BRD1: variants seen among roughly 807,000 people sequenced by gnomAD.
The protein encoded by BRD1 is bromodomain-containing protein 1.
Under a neutral mutation model 107.7 loss-of-function variants are expected in BRD1, and 24 were observed. That is an observed-to-expected ratio of 0.22 (90% CI 0.16 to 0.31). BRD1 has a LOEUF of 0.31. Ranked by LOEUF, BRD1 falls within the 10% of genes least tolerant of loss-of-function variation. BRD1 has a pLI of 1.00. For synonymous variants in BRD1, 744 were observed against 686.1 expected, an observed-to-expected ratio of 1.08 and a Z score of -1.32; for missense variants, 1,279 against 1,638.6, an observed-to-expected ratio of 0.78 and a Z score of 3.79.
At chr22:49,780,353 A>G (rs1043470140) in intron 8 of BRD1, among the ~76,000 whole-genome samples, 2 of 152,244 alleles carry the variant, frequency 1.3e-5, no homozygotes, top group Non-Finnish European at 1.5e-5. Context: ...GAGTGCGCGT[A>G]TGACGCAAGA....
chr22:49,818,290 T>C (rs1385687250), intron 2 of BRD1: 4 of 1,278,542 alleles, frequency 3.1e-6, no homozygotes, highest in Non-Finnish European at 4.1e-6. Context: ...TCCTAGAAGA[T>C]CTGAAGCAGT....
chr22:49,775,409 G>A (rs576035827), intron 12 of BRD1, 182 bp downstream of exon 12: 11 of 529,304 alleles, frequency 2.1e-5, no homozygotes, highest in South Asian at 6.7e-5. Context: ...CCACAGTCCC[G>A]GCGAGGGGGC....
chr22:49,785,819 C>T (rs1438359400), intron 8 of BRD1, among the ~76,000 whole-genome samples: 1 of 152,234 alleles, frequency 6.6e-6, no homozygotes, highest in Non-Finnish European at 1.5e-5. Flanking sequence ...GGCAACAAGA[C>T]GCATGACCTG....
chr22:49,827,838 G>T lies in BRD1; in HGVS notation c.-356C>A, dbSNP rs865807992. On this transcript the variant is annotated 5_prime_UTR_variant, in exon 1 of 13. Transcript: ENST00000404760. ...GGGGCTGGCTCGGACTCCAGGGCCG[G>T]GTCGCTCGCTCGCTCCCCAGCGAAG... 1.1e-3 allele frequency among the ~76,000 whole-genome samples: 167 copies of T among 145,758 alleles called. No individual in the cohort carries two copies. The highest frequency in any genetic ancestry group is 3.6e-3 in the African/African-American group (147 of 40,358).
rs537439834 is a variant in BRD1, at chr22:49,792,734, A to G, written c.2359+1300T>C. 6.6e-6 allele frequency among the ~76,000 whole-genome samples: 1 copy of G among 152,344 alleles called. No homozygotes were observed. Among genetic ancestry groups the G allele is most frequent in the African/African-American group, 2.4e-5 (1 of 41,576 alleles). On this transcript the variant is annotated intron_variant, in intron 7 of 12. Coordinates refer to ENST00000404760, the MANE Select transcript of BRD1 (RefSeq NM_001304808.3). The surrounding 1 kb of genome is among the most constrained non-coding windows in gnomAD (Gnocchi z 4.2). ...AACAACAAACAGGCACAAAATGAGC[A>G]AAAGGATGCATAAGAAATTCTCAGC...
At position 49,826,966 on chromosome 22, in the gene BRD1, G is replaced by A. The variant is rs558925653; in HGVS notation, c.-15+531C>T. Reference sequence around the variant, plus strand: ...CGTCGCGAGGCGTCTCCCTGCAAACGCCCGGGGAGGCCGCGGTGCCGGTTC... The same window carrying A: ...CGTCGCGAGGCGTCTCCCTGCAAACACCCGGGGAGGCCGCGGTGCCGGTTC... On this transcript the variant is annotated intron_variant, in intron 1 of 12. Transcript: ENST00000404760. Among the ~76,000 whole-genome samples, 6 of 152,268 alleles carry A rather than the reference G, an allele frequency of 3.9e-5. No individual in the cohort carries two copies. The East Asian group carries it at 9.7e-4, about 25-fold the overall frequency.
intron 3 of BRD1, among the ~76,000 whole-genome samples, chr22:49,801,452 C>T (rs1385266991): frequency 1.3e-5 from 2 of 152,238 alleles, no homozygotes; most frequent in African/African-American, 4.8e-5. Flanking sequence ...GAATCAAATG[C>T]ATCAGGTACT....
intron 3 of BRD1, among the ~76,000 whole-genome samples, chr22:49,801,969 G>A (rs1298660042): frequency 6.6e-6 from 1 of 152,214 alleles, no homozygotes; most frequent in Non-Finnish European, 1.5e-5. Context: ...CCCACCGCTG[G>A]ACGTCCCGTT....
At chr22:49,811,145 C>T (rs999661205) in intron 2 of BRD1, among the ~76,000 whole-genome samples, 6 of 151,196 alleles carry the variant, frequency 4.0e-5, no homozygotes, top group Non-Finnish European at 8.8e-5. Context: ...AAAAAAAACA[C>T]ATTTCATAAA....
Position 49,824,096 on chromosome 22 carries a change from G to A in BRD1, c.222C>T (p.Asn74=), listed in dbSNP as rs775058489. The A allele has an allele frequency of 1.2e-6, 2 of 1,614,012 alleles. No homozygotes were observed. The highest frequency in any genetic ancestry group is 1.7e-6 in the Non-Finnish European group (2 of 1,180,036). Residue 74 remains asparagine, a synonymous_variant, in exon 2 of 13, where the codon AAC becomes AAT. Coordinates refer to ENST00000404760, the MANE Select transcript of BRD1 (RefSeq NM_001304808.3). This position sits in a 1 kb window ranked among gnomAD's most constrained non-coding sequence, Gnocchi z 5.9. ...DLTAQEMSEC[N]SNKENSERPP... is the part of the protein sequence containing the mutation. ...GCCGCTCGCTGTTTTCCTTGTTGCT[G>A]TTGCACTCACTCATCTCTTGAGCAG... is the stretch of plus-strand genomic sequence containing the variant.
In BRD1 at chr22:49,823,612, T is replaced by C. The variant is rs368482373; in HGVS notation, c.706A>G (p.Met236Val). The change falls in exon 2 of 13, where the codon ATG becomes GTG. Residue 236 changes from methionine (M) to valine (V), a missense_variant. Met to Val is a conservative substitution (Grantham distance 21). This residue lies in a region of BRD1 where 158 missense variants were observed against 310.2 expected (regional missense o/e 0.51). Coordinates refer to ENST00000404760, the MANE Select transcript of BRD1 (RefSeq NM_001304808.3). ...QNSNVILFCDMCNLAVHQECY... is the reference protein window; with the variant it reads ...QNSNVILFCDVCNLAVHQECY... ...TCCTGGTGCACGGCCAGGTTGCACA[T>C]GTCGCAGAAGAGGATCACGTTGCTG... 4.0e-5 allele frequency: 64 copies of C among 1,609,618 alleles called. No individual in the cohort carries two copies. Among genetic ancestry groups the C allele is most frequent in the Non-Finnish European group, 5.4e-5 (63 of 1,177,426 alleles).
intron 3 of BRD1, 54 bp from the exon 4 acceptor site, chr22:49,799,173 G>C (rs1175212400): frequency 6.3e-7 from 1 of 1,580,402 alleles, no homozygotes; most frequent in Admixed American, 1.7e-5. Flanking sequence ...TTCTGCAAAA[G>C]GCCTCAGATA....
At chr22:49,800,511 G>A (rs6009879) in intron 3 of BRD1, among the ~76,000 whole-genome samples, 3 of 152,144 alleles carry the variant, frequency 2.0e-5, no homozygotes, top group Non-Finnish European at 4.4e-5. Context: ...TGAAAACCTC[G>A]GCCAAAAGGA....
chr22:49,776,697 C>T (rs2059106290), intron 10 of BRD1, among the ~76,000 whole-genome samples: 1 of 152,230 alleles, frequency 6.6e-6, no homozygotes. Context: ...GGCACCCACC[C>T]TGCAGTCAGT....
intron 7 of BRD1, among the ~76,000 whole-genome samples, chr22:49,791,274 GC>G (rs1422815042): frequency 1.3e-5 from 2 of 152,234 alleles, no homozygotes; most frequent in African/African-American, 4.8e-5. Flanking sequence ...CTGCGGGAGG[GC>G]CTGTACAAGG....
rs1194856290 is a variant in BRD1, at chr22:49,792,912, C to T, written c.2359+1122G>A. Among the ~76,000 whole-genome samples the T allele has an allele frequency of 1.3e-5, 2 of 152,174 alleles. No homozygotes were observed. The highest frequency in any genetic ancestry group is 4.8e-5 in the African/African-American group (2 of 41,440). On this transcript the variant is annotated intron_variant, in intron 7 of 12. Coordinates refer to ENST00000404760, the MANE Select transcript of BRD1 (RefSeq NM_001304808.3). The surrounding 1 kb of genome is among the most constrained non-coding windows in gnomAD (Gnocchi z 4.2). Reference sequence around the variant, plus strand: ...GAAAAGGGCCCTGAGACCATGGGGACCCGCTGACCTGTGTGGCATCATGAA... The same window carrying T: ...GAAAAGGGCCCTGAGACCATGGGGATCCGCTGACCTGTGTGGCATCATGAA...
At chr22:49,811,840 G>A (rs892323474) in intron 2 of BRD1, among the ~76,000 whole-genome samples, 6 of 152,204 alleles carry the variant, frequency 3.9e-5, no homozygotes, top group South Asian at 2.1e-4. Context: ...TTCAGCCGGC[G>A]GTGCTGAGTC....
intron 2 of BRD1, among the ~76,000 whole-genome samples, chr22:49,813,328 T>G (rs1442222815): frequency 6.6e-6 from 1 of 151,976 alleles, no homozygotes; most frequent in Non-Finnish European, 1.5e-5. Flanking sequence ...TTCAAGCGAT[T>G]CTCCTGCCTC....
intron 9 of BRD1, among the ~76,000 whole-genome samples, chr22:49,777,421 T>G (rs1010432388): frequency 6.6e-6 from 1 of 152,258 alleles, no homozygotes; most frequent in Non-Finnish European, 1.5e-5. Context: ...AGATCAAGTG[T>G]AAAACTTCAT....
Sources: gnomAD v4.1 joint callset for allele counts (sites outside exome capture counted in the v4.1 genomes callset) on GRCh38, gnomAD v4.1.1 for gene constraint, gnomAD v4.1.1 regional missense constraint, Gnocchi (gnomAD v3.1) non-coding constraint, MANE v1.5 for transcripts, NCBI Gene and HGNC (gene_info 2026-07-23, HGNC 2026-07-21) for gene names.